RFFL: variants seen among roughly 807,000 people sequenced by gnomAD.
The protein encoded by RFFL is E3 ubiquitin-protein ligase rififylin.
RFFL carries 16 observed loss-of-function variants against 40.4 expected under a neutral mutation model. That is an observed-to-expected ratio of 0.40 (90% CI 0.27 to 0.60). RFFL has a LOEUF of 0.60. Among genes scored for constraint, RFFL ranks in the 20% least tolerant of loss-of-function variants. The pLI, the probability that RFFL is intolerant of heterozygous loss-of-function variation, is 0.47. For synonymous variants in RFFL, 154 were observed against 167.9 expected (o/e 0.92, Z 0.64); for missense variants, 367 against 451.7 (o/e 0.81, Z 1.70).
At chr17:35,072,851 C>G (rs1052284463) in intron 1 of RFFL, among the ~76,000 whole-genome samples, 1 of 152,108 alleles carries the variant, frequency 6.6e-6, no homozygotes, top group Non-Finnish European at 1.5e-5. Flanking sequence ...CGAGACCAGC[C>G]TGACCAACAT....
intron 1 of RFFL, among the ~76,000 whole-genome samples, chr17:35,055,571 T>A (rs1395215341): frequency 1.3e-5 from 2 of 150,724 alleles, no homozygotes; most frequent in Non-Finnish European, 2.9e-5. Context: ...CTCAGGAGGC[T>A]GAGGCAGGAG....
intron 1 of RFFL, among the ~76,000 whole-genome samples, chr17:35,072,290 A>AG (rs1252681363): frequency 6.6e-6 from 1 of 152,080 alleles, no homozygotes; most frequent in East Asian, 1.9e-4. Context: ...CAAAAAAAAA[A>AG]AAAAAAAGTT....
rs556586610 is a variant in RFFL, at chr17:35,072,186, T to C, written c.-9+16919A>G. ...GTCTCAGTTACTCAGGAGGCTGAAG[T>C]GGGAGGATGGCTTGAGCTAGAGAGG... On this transcript the variant is annotated intron_variant, in intron 1 of 6. Coordinates refer to the RFFL transcript ENST00000315249. 8.0e-5 allele frequency among the ~76,000 whole-genome samples: 12 copies of C among 149,340 alleles called. 1 individual carries two copies. Among genetic ancestry groups the C allele is most frequent in the African/African-American group, 2.7e-4 (11 of 40,374 alleles).
chr17:35,088,040 T>G lies in RFFL; in HGVS notation c.-9+1065A>C, dbSNP rs148510812. Reference sequence around the variant, plus strand: ...CAGCCCGGCCCACATTTCAGTAAATTGAACTGTCACGGGGAGAATAAGGCA... The same window carrying G: ...CAGCCCGGCCCACATTTCAGTAAATGGAACTGTCACGGGGAGAATAAGGCA... On this transcript the variant is annotated intron_variant, in intron 1 of 6. Coordinates refer to the RFFL transcript ENST00000315249. Among the ~76,000 whole-genome samples, 13 of 152,276 alleles carry G rather than the reference T, an allele frequency of 8.5e-5. No homozygotes were observed. The East Asian group carries it at 2.3e-3, about 27-fold the overall frequency.
intron 1 of RFFL, among the ~76,000 whole-genome samples, chr17:35,034,502 G>A (rs962865981): frequency 6.6e-6 from 1 of 151,626 alleles, no homozygotes; most frequent in Non-Finnish European, 1.5e-5. Flanking sequence ...AAACTGGAAA[G>A]TTGTATATTG....
chr17:35,032,017 C>G (rs1007621001), intron 1 of RFFL, among the ~76,000 whole-genome samples: 1 of 151,204 alleles, frequency 6.6e-6, no homozygotes, highest in East Asian at 1.9e-4. Flanking sequence ...ATGGCGTGAA[C>G]CCAGGAGGCG....
chr17:35,031,718 G>T (rs541083628), intron 1 of RFFL, among the ~76,000 whole-genome samples: 1 of 152,076 alleles, frequency 6.6e-6, no homozygotes, highest in East Asian at 1.9e-4. Flanking sequence ...CATGATGTGG[G>T]AGTAACTGGG....
chr17:35,088,773 A>G (rs1048593510), intron 1 of RFFL: 8 of 152,258 alleles, frequency 5.3e-5, no homozygotes, highest in African/African-American at 1.9e-4. Flanking sequence ...ACAAAGAGGT[A>G]TCTTTTCCCC....
chr17:35,076,715 T>C (rs1018028943), intron 1 of RFFL: 1 of 144,860 alleles, frequency 6.9e-6, no homozygotes, highest in Non-Finnish European at 1.5e-5. Flanking sequence ...ATAATAATAA[T>C]AATAATAGTA....
intron 1 of RFFL, among the ~76,000 whole-genome samples, chr17:35,084,477 C>T (rs888320532): frequency 2.6e-5 from 4 of 151,930 alleles, no homozygotes; most frequent in African/African-American, 9.7e-5. Flanking sequence ...ATCTGTGGTC[C>T]CAGCTACTTG....
intron 1 of RFFL, chr17:35,042,488 G>A (rs879299588): frequency 1.3e-5 from 2 of 152,196 alleles, no homozygotes; most frequent in Non-Finnish European, 1.5e-5. Context: ...AATGAAGCAT[G>A]TTCTCTGTGA....
intron 1 of RFFL, among the ~76,000 whole-genome samples, chr17:35,035,926 C>T (rs1450334828): frequency 6.6e-6 from 1 of 152,046 alleles, no homozygotes; most frequent in Admixed American, 6.6e-5. Flanking sequence ...TGGTCTTGAA[C>T]TCCTGACCTC....
At chr17:35,065,427 A>G (rs143680154), upstream of RFFL, among the ~76,000 whole-genome samples, 217 of 152,164 alleles carry the variant, frequency 1.4e-3, no homozygotes, top group African/African-American at 4.6e-3. Flanking sequence ...GTGGTGGCAC[A>G]TGCCTGTAAT....
At chr17:35,072,966 C>A (rs750527750) in intron 1 of RFFL, among the ~76,000 whole-genome samples, 3 of 150,816 alleles carry the variant, frequency 2.0e-5, no homozygotes, top group African/African-American at 7.3e-5. Flanking sequence ...TCACTTGAAC[C>A]CAGGAGGCAG....
chr17:35,077,804 A>C (rs1192966720), intron 1 of RFFL, among the ~76,000 whole-genome samples: 2 of 152,246 alleles, frequency 1.3e-5, no homozygotes, highest in Non-Finnish European at 2.9e-5. Context: ...GTGTGGCCCA[A>C]GACAATTCTT....
chr17:35,011,897 G>T lies in RFFL; in HGVS notation c.*71C>A. The T allele has an allele frequency of 6.7e-7, 1 of 1,487,808 alleles. No homozygotes were observed. The highest frequency in any genetic ancestry group is 9.2e-7 in the Non-Finnish European group (1 of 1,084,336). 92.2% of individuals were successfully genotyped at this position (1,487,808 alleles called of 1,614,324 possible). A position where few individuals can be genotyped will look rare whatever the true frequency, so the allele number is the denominator to read the frequency against. ...TTTCTACTAGCTTGCTCCTCTGCAA[G>T]CTGGCCAACCCTGAGCCCAGACACC... On this transcript the variant is annotated 3_prime_UTR_variant, in exon 7 of 7. Coordinates refer to ENST00000394597, the MANE Select transcript of RFFL (RefSeq NM_001017368.2).
rs182284599 is a variant in RFFL, at chr17:35,048,177, C to T, written c.-9+15399G>A. ...CAGAACTTTGGGAGGCCGAGGTGGGCGGATCGTGAGGTCAGGAGATCAAGA... is the reference window on the plus strand; with the variant it reads ...CAGAACTTTGGGAGGCCGAGGTGGGTGGATCGTGAGGTCAGGAGATCAAGA... On this transcript the variant is annotated intron_variant, in intron 1 of 6. Transcript: ENST00000394597. Among the ~76,000 whole-genome samples, 364 of 151,868 alleles carry T rather than the reference C, an allele frequency of 2.4e-3. 4 individuals are homozygous for T. Among genetic ancestry groups the T allele is most frequent in the African/African-American group, 8.4e-3 (347 of 41,448 alleles).
chr17:35,077,591 G>A (rs1567718013), intron 1 of RFFL, among the ~76,000 whole-genome samples: 2 of 152,172 alleles, frequency 1.3e-5, no homozygotes, highest in Non-Finnish European at 2.9e-5. Context: ...TTCACACTAT[G>A]AAGTGCCAGT....
At chr17:35,029,705 T>A (rs976996698) in intron 1 of RFFL, among the ~76,000 whole-genome samples, 4 of 151,504 alleles carry the variant, frequency 2.6e-5, no homozygotes, top group Non-Finnish European at 5.9e-5. Context: ...TTTTTTATTA[T>A]TATACTTTAA....
Sources: gnomAD v4.1 joint callset for allele counts (sites outside exome capture counted in the v4.1 genomes callset) on GRCh38, gnomAD v4.1.1 for gene constraint, MANE v1.5 for transcripts, NCBI Gene and HGNC (gene_info 2026-07-23, HGNC 2026-07-21) for gene names.